Variants in GLE1 observed in about 807,000 individuals in gnomAD.
The protein encoded by GLE1 is mRNA export factor GLE1.
In GLE1, 78 loss-of-function variants were observed where a neutral mutation model predicts 97.3. The ratio of observed to expected loss-of-function variants is 0.80; its 90% CI spans 0.67 to 0.97. The LOEUF (loss-of-function observed/expected upper bound fraction) is 0.97, where lower values mean the gene tolerates loss of function less well. GLE1 is among the 50% of genes least tolerant of loss of function. The pLI is 0.00. For missense variants in GLE1, 753 were observed against 857.5 expected, an observed-to-expected ratio of 0.88 and a Z score of 1.52; for synonymous variants, 302 against 313.4, an observed-to-expected ratio of 0.96 and a Z score of 0.39.
rs778028702 is a variant in GLE1, at chr9:128,533,890, C to T, written c.1585C>T (p.Pro529Ser). ...TCTTGCTCATCTACATAAGAAGTGT[C>T]CTTACTCTGTTCCTTTCTATCCCAC... ...LILAHLHKKC[P>S]YSVPFYPTFK... is the part of the protein sequence containing the mutation. The change falls in exon 11 of 16, where the codon CCT (proline) becomes TCT (serine). Residue 529 changes from proline to serine, a missense_variant. By Grantham distance (74) the Pro-to-Ser change is moderately conservative. Transcript: ENST00000309971. 5.0e-6 allele frequency: 8 copies of T among 1,613,198 alleles called. No homozygotes were observed. In the African/African-American group the frequency reaches 9.3e-5, roughly 19 times the overall value.
At chr9:128,518,692 A>T (rs1847054810) in intron 3 of GLE1, among the ~76,000 whole-genome samples, 1 of 152,038 alleles carries the variant, frequency 6.6e-6, no homozygotes, top group Non-Finnish European at 1.5e-5. Flanking sequence ...ACATAGTGAA[A>T]CCCCGTCTCT....
chr9:128,515,649 C>G lies in GLE1; in HGVS notation c.432+10C>G, dbSNP rs1266806972. 9.7e-6 allele frequency: 14 copies of G among 1,442,014 alleles called. No individual in the cohort carries two copies. Among genetic ancestry groups the G allele is most frequent in the Non-Finnish European group, 1.4e-5 (14 of 1,023,756 alleles). 89.3% of individuals were successfully genotyped at this position (1,442,014 alleles called of 1,614,324 possible). A position where few individuals can be genotyped will look rare whatever the true frequency, so the allele number is the denominator to read the frequency against. ...CAGAATGAAAGGAACAGTAAGTGAA[C>G]CCATGAAGGAAGGCAGCCTTGATCC... On this transcript the variant is annotated intron_variant, in intron 3 of 15. Transcript: ENST00000309971.
Position 128,525,204 on chromosome 9 carries a change from AC to A in GLE1, c.911del (p.Thr304LysfsTer19), listed in dbSNP as rs2132465004. The A allele has an allele frequency of 6.2e-7, 1 of 1,613,612 alleles. No individual in the cohort carries two copies. The highest frequency in any genetic ancestry group is 8.5e-7 in the Non-Finnish European group (1 of 1,179,548). On this transcript the variant is annotated frameshift_variant, in exon 7 of 16. Coordinates refer to ENST00000309971, the MANE Select transcript of GLE1 (RefSeq NM_001003722.2). LOFTEE classifies it high-confidence loss of function. ...IRASSESSYP[T>X]AESQAEAERA... ...GTCACTCTGACAGAGCAGCTATCCC[AC>A]AGCAGAGAGTCAAGCTGAGGCTGAG...
In GLE1 at chr9:128,533,427, C is replaced by CAG. The variant is rs1564156573; in HGVS notation, c.1313-85_1313-84insGA. On this transcript the variant is annotated intron_variant, in intron 9 of 15. Transcript: ENST00000309971. ...CCTGGGCAGTAGAGTGATACTGTCT[C>CAG]AAAAAAAAAAAAAAAAAAAAAAAAA... is the stretch of plus-strand genomic sequence containing the variant. 44 of 452,646 alleles carry CAG rather than the reference C, an allele frequency of 9.7e-5. 2 individuals are homozygous for CAG. Among genetic ancestry groups the CAG allele is most frequent in the South Asian group, 1.3e-4 (6 of 47,756 alleles). 28.0% of individuals were successfully genotyped at this position (452,646 alleles called of 1,614,324 possible).
At chr9:128,524,253 AT>A (rs1388213306) in intron 6 of GLE1, among the ~76,000 whole-genome samples, 2 of 150,732 alleles carry the variant, frequency 1.3e-5, no homozygotes, top group African/African-American at 4.9e-5. Flanking sequence ...TAATTTTTGT[AT>A]TTTTTTGTAG....
Position 128,533,607 on chromosome 9 carries a change from C to A in GLE1, c.1407C>A (p.Asn469Lys). Reference sequence around the variant, plus strand: ...GGCGCTCTGTGTCTGTCACACTTAACCCACAGGGGCTGGACTTTGTTCAAT... The same window carrying A: ...GGCGCTCTGTGTCTGTCACACTTAAACCACAGGGGCTGGACTTTGTTCAAT... ...SGGRSVSVTLNPQGLDFVQYK... is the reference protein window; with the variant it reads ...SGGRSVSVTLKPQGLDFVQYK... The change falls in exon 10 of 16, where the codon AAC becomes AAA. Residue 469 changes from asparagine (N) to lysine (K), a missense_variant. Physicochemically the swap from Asn to Lys is moderately conservative, Grantham distance 94. Coordinates refer to ENST00000309971, the MANE Select transcript of GLE1 (RefSeq NM_001003722.2). 6.2e-7 allele frequency: 1 copy of A among 1,613,970 alleles called. No individual in the cohort carries two copies.
In GLE1 at chr9:128,523,516, A is replaced by G. The variant is rs551173264; in HGVS notation, c.643-76A>G. 47 of 1,564,752 alleles carry G rather than the reference A, an allele frequency of 3.0e-5. No homozygotes were observed. The Middle Eastern group carries it at 8.3e-4, about 28-fold the overall frequency. On this transcript the variant is annotated intron_variant, in intron 5 of 15. Coordinates refer to ENST00000309971, the MANE Select transcript of GLE1 (RefSeq NM_001003722.2). Reference sequence around the variant, plus strand: ...GCCCATCTGTGAAAATATGTAGCCCACGTAGAATTTGAGGACTGTAGAAAG... The same window carrying G: ...GCCCATCTGTGAAAATATGTAGCCCGCGTAGAATTTGAGGACTGTAGAAAG...
At chr9:128,529,477 A>T (rs943844125) in intron 9 of GLE1, among the ~76,000 whole-genome samples, 2 of 151,830 alleles carry the variant, frequency 1.3e-5, no homozygotes, top group African/African-American at 4.8e-5. Flanking sequence ...ACTCCTTTTT[A>T]TAGGCTCCTC....
Position 128,540,283 on chromosome 9 carries a change from C to A in GLE1, c.1973C>A (p.Ala658Asp). ...TCTTTCTCTCCCTGTAGAATTGAAGCTATCACAAGCTCAGGACAGATGGGC... is the reference window on the plus strand; with the variant it reads ...TCTTTCTCTCCCTGTAGAATTGAAGATATCACAAGCTCAGGACAGATGGGC... The part of the protein sequence containing the change: ...IKEDYFPRIE[A>D]ITSSGQMGSF... The change falls in exon 15 of 16, where the codon GCT becomes GAT. Residue 658 changes from alanine (A) to aspartate (D), a missense_variant. Coordinates refer to ENST00000309971, the MANE Select transcript of GLE1 (RefSeq NM_001003722.2). The A allele has an allele frequency of 6.2e-7, 1 of 1,602,788 alleles. No individual in the cohort carries two copies. The highest frequency in any genetic ancestry group is 8.5e-7 in the Non-Finnish European group (1 of 1,169,940).
chr9:128,507,626 G>A (rs368793574), intron 1 of GLE1, among the ~76,000 whole-genome samples: 4 of 149,920 alleles, frequency 2.7e-5, no homozygotes, highest in African/African-American at 4.9e-5. Context: ...GGTGGCTCAC[G>A]CCTGTAATCC....
In GLE1 at chr9:128,523,278, A is replaced by C; in HGVS notation, c.582-2A>C. ...TATTCCTCCCTGCCATTTTTCATGC[A>C]GCTCCAGAGAAGCCTTGGGACACCA... is the stretch of plus-strand genomic sequence containing the variant. On this transcript the variant is annotated splice_acceptor_variant, in intron 4 of 15. Transcript: ENST00000309971. LOFTEE classifies it high-confidence loss of function. The C allele has an allele frequency of 6.2e-7, 1 of 1,608,892 alleles. No homozygotes were observed. The highest frequency in any genetic ancestry group is 8.5e-7 in the Non-Finnish European group (1 of 1,175,204).
intron 9 of GLE1, among the ~76,000 whole-genome samples, chr9:128,529,902 G>A (rs966182097): frequency 2.6e-5 from 4 of 151,798 alleles, no homozygotes; most frequent in Admixed American, 6.6e-5. Flanking sequence ...TCAGCCTCCC[G>A]AGTAGCTGGG....
At chr9:128,523,886 A>T (rs753409953) in intron 6 of GLE1, 40 bp downstream of exon 6, 3 of 1,609,950 alleles carry the variant, frequency 1.9e-6, no homozygotes, top group Non-Finnish European at 2.5e-6. Flanking sequence ...TGTCTTTGAA[A>T]TGGAAGCCTT....
chr9:128,524,799 C>T (rs984759394), intron 6 of GLE1, among the ~76,000 whole-genome samples: 7 of 151,918 alleles, frequency 4.6e-5, no homozygotes, highest in Non-Finnish European at 1.0e-4. Context: ...AGCTGAGGCA[C>T]GAGCAGCACT....
intron 6 of GLE1, 93 bp from the exon 7 acceptor site, chr9:128,525,099 C>G (rs1372016284): frequency 1.8e-5 from 16 of 892,542 alleles, no homozygotes; most frequent in Non-Finnish European, 2.2e-5. Context: ...TCCATTGGTG[C>G]AACAATTCCA....
At chr9:128,521,190 G>T (rs1047205064) in intron 3 of GLE1, among the ~76,000 whole-genome samples, 1 of 152,096 alleles carries the variant, frequency 6.6e-6, no homozygotes, top group African/African-American at 2.4e-5. Flanking sequence ...TCCCAGAGGA[G>T]AGGACATATA....
intron 2 of GLE1, among the ~76,000 whole-genome samples, chr9:128,512,487 C>T (rs976267140): frequency 9.9e-5 from 15 of 152,086 alleles, no homozygotes; most frequent in African/African-American, 2.9e-4. Flanking sequence ...TTTTTGCAAC[C>T]TTCTGTGAAC....
In GLE1 at chr9:128,527,212, A is replaced by C. The variant is rs1235542132; in HGVS notation, c.1163A>C (p.Gln388Pro). Residue 388 changes from glutamine to proline, a missense_variant, in exon 8 of 16, where the codon CAG becomes CCG. Physicochemically the swap from Gln to Pro is moderately conservative, Grantham distance 76. Transcript: ENST00000309971. ...GTGAAGGTACAAGACATTACAATGC[A>C]GTGGTACCAGCAGCTGCAGGATGCT... ...LQVKVQDITM[Q>P]WYQQLQDASM... The C allele has an allele frequency of 6.2e-7, 1 of 1,609,500 alleles. No individual in the cohort carries two copies. Among genetic ancestry groups the C allele is most frequent in the East Asian group, 2.2e-5 (1 of 44,860 alleles).
intron 13 of GLE1, among the ~76,000 whole-genome samples, chr9:128,538,404 T>C (rs1847787145): frequency 6.6e-6 from 1 of 152,230 alleles, no homozygotes; most frequent in Admixed American, 6.5e-5. Context: ...GGATCACACC[T>C]GTAATCCCAG....
Sources: allele counts gnomAD v4.1 joint callset (sites outside exome capture counted in the v4.1 genomes callset), GRCh38; gene constraint gnomAD v4.1.1; transcripts MANE v1.5; gene names NCBI Gene and HGNC (gene_info 2026-07-23, HGNC 2026-07-21).